NBEA: variants seen among roughly 807,000 people sequenced by gnomAD.
NBEA encodes the protein lysosomal-trafficking regulator 2.
A neutral mutation model predicts 343.4 loss-of-function variants in NBEA; 44 were observed. The ratio of observed to expected loss-of-function variants is 0.13; its 90% CI spans 0.10 to 0.16. NBEA has a LOEUF of 0.16. NBEA is among the 10% of genes least tolerant of loss of function. The pLI is 1.00. For synonymous variants in NBEA, 1,175 were observed against 1,238.7 expected (o/e 0.95, Z 1.08); for missense variants, 2,555 against 3,631.3 (o/e 0.70, Z 7.62).
At position 35,196,077 on chromosome 13, in the gene NBEA, C is replaced by T; in HGVS notation, c.5141C>T (p.Ser1714Leu). 3 of 1,613,606 alleles carry T rather than the reference C, an allele frequency of 1.9e-6. No individual in the cohort carries two copies. The highest frequency in any genetic ancestry group is 2.5e-6 in the Non-Finnish European group (3 of 1,179,726). Residue 1714 changes from serine to leucine, a missense_variant, in exon 31 of 59, where the codon TCA (serine) becomes TTA (leucine). Ser to Leu is a moderately radical substitution (Grantham distance 145, BLOSUM62 -2). This residue lies in a region of NBEA where 270 missense variants were observed against 293.3 expected (regional missense o/e 0.92). Transcript: ENST00000379939. ...ACTTTGTCATCCGAAGTGAAGAAAT[C>T]ACAAGAGAGCTTAACTGAAAATCCT... ...LSTLSSEVKK[S>L]QESLTENPSE... is the part of the protein sequence containing the mutation.
chr13:35,093,850 T>C (rs2079575272), intron 10 of NBEA, among the ~76,000 whole-genome samples: 1 of 151,984 alleles, frequency 6.6e-6, no homozygotes, highest in African/African-American at 2.4e-5. Flanking sequence ...GGTTAATCTG[T>C]GGTACTATTA....
intron 40 of NBEA, among the ~76,000 whole-genome samples, chr13:35,453,163 T>G (rs1190859307): frequency 6.6e-6 from 1 of 152,194 alleles, no homozygotes; most frequent in Non-Finnish European, 1.5e-5. Context: ...AAGTCTCTAG[T>G]GATTTCTTTC....
chr13:35,669,958 A>G (rs1396899789), intron 58 of NBEA, among the ~76,000 whole-genome samples: 2 of 152,124 alleles, frequency 1.3e-5, no homozygotes, highest in African/African-American at 2.4e-5. Flanking sequence ...AGCATATTCA[A>G]AGTTGCAGTA....
At chr13:35,308,488 GTATATATATGTGTA>G (rs1451254875) in intron 35 of NBEA, among the ~76,000 whole-genome samples, 2 of 103,454 alleles carry the variant, frequency 1.9e-5, no homozygotes, top group Non-Finnish European at 3.7e-5. Context: ...ATATATATGT[GTATATATATGTGTA>G]TATATATATG....
chr13:35,248,201 A>G (rs969826228), intron 34 of NBEA, among the ~76,000 whole-genome samples: 1 of 152,250 alleles, frequency 6.6e-6, no homozygotes, highest in African/African-American at 2.4e-5. Flanking sequence ...TAATGCAAAA[A>G]TCTTCAACAA....
chr13:35,295,400 A>T (rs1478198297), intron 35 of NBEA, among the ~76,000 whole-genome samples: 1 of 151,944 alleles, frequency 6.6e-6, no homozygotes, highest in Non-Finnish European at 1.5e-5. Flanking sequence ...TTTTCTCTAG[A>T]CGGTGGGTGA....
intron 1 of NBEA, among the ~76,000 whole-genome samples, chr13:34,977,974 A>C (rs1286100718): frequency 6.6e-6 from 1 of 152,024 alleles, no homozygotes; most frequent in Non-Finnish European, 1.5e-5. Context: ...TAATTGATTA[A>C]AAAAATTTTT....
intron 47 of NBEA, among the ~76,000 whole-genome samples, chr13:35,599,431 G>A (rs2153046942): frequency 6.6e-6 from 1 of 152,334 alleles, no homozygotes; most frequent in African/African-American, 2.4e-5. Context: ...AGCTTGACTG[G>A]GCGGCAGAAT....
intron 34 of NBEA, among the ~76,000 whole-genome samples, chr13:35,237,395 A>G (rs918571713): frequency 6.6e-6 from 1 of 152,100 alleles, no homozygotes; most frequent in African/African-American, 2.4e-5. Flanking sequence ...GTAGAAATGT[A>G]TGTCCTTTTA....
chr13:35,283,976 A>G (rs1189666911), intron 34 of NBEA, among the ~76,000 whole-genome samples: 13 of 96,592 alleles, frequency 1.3e-4, no homozygotes, highest in African/African-American at 3.5e-5. Context: ...ACTCATGCAC[A>G]TGTGTACACA....
intron 18 of NBEA, among the ~76,000 whole-genome samples, chr13:35,149,853 A>G (rs1201736186): frequency 6.6e-6 from 1 of 152,140 alleles, no homozygotes; most frequent in African/African-American, 2.4e-5. Context: ...TAAATAAGAA[A>G]ATTTCATATA....
chr13:35,268,547 T>C (rs1049132945), intron 34 of NBEA, among the ~76,000 whole-genome samples: 2 of 151,964 alleles, frequency 1.3e-5, no homozygotes, highest in African/African-American at 4.8e-5. Context: ...GGAAAAAATA[T>C]ACAAACTTAG....
In NBEA at chr13:35,670,892, CT is replaced by C; in HGVS notation, c.8814-5del. 2 of 1,579,044 alleles carry C rather than the reference CT, an allele frequency of 1.3e-6. No homozygotes were observed. The highest frequency in any genetic ancestry group is 1.7e-6 in the Non-Finnish European group (2 of 1,157,952). ...ATATCACTCTTAACTGCTGTTTCTG[CT>C]TTTCCAGGACTCTGATCACTGGCAT... On this transcript the variant is annotated splice_polypyrimidine_tract_variant and splice_region_variant and intron_variant, in intron 58 of 58. Transcript: ENST00000379939.
At chr13:35,099,064 C>G (rs2065488398) in intron 11 of NBEA, among the ~76,000 whole-genome samples, 3 of 140,942 alleles carry the variant, frequency 2.1e-5, no homozygotes, top group South Asian at 4.5e-4. Context: ...CTCACTCTGT[C>G]TCCCACAGTG....
In NBEA at chr13:35,672,641, C is replaced by T. The variant is rs546516738; in HGVS notation, c.*1650C>T. 6.6e-6 allele frequency: 1 copy of T among 152,664 alleles called. No individual in the cohort carries two copies. The highest frequency in any genetic ancestry group is 2.1e-4 in the South Asian group (1 of 4,812). The allele number at this position is 152,664 out of a possible 1,614,324, so 9.5% of individuals were successfully genotyped here. ...ATTTTGGATATATAAATTCCTTAAG[C>T]TATTGTAACCATGTTTTATTGCAAA... On this transcript the variant is annotated 3_prime_UTR_variant, in exon 59 of 59. Transcript: ENST00000379939.
intron 38 of NBEA, among the ~76,000 whole-genome samples, chr13:35,364,238 A>G (rs1342954526): frequency 1.3e-5 from 2 of 151,832 alleles, no homozygotes; most frequent in Non-Finnish European, 2.9e-5. Flanking sequence ...TTCTCTGCCT[A>G]TACAACCCAT....
At chr13:35,318,014 G>A (rs1236169087) in intron 36 of NBEA, among the ~76,000 whole-genome samples, 1 of 152,146 alleles carries the variant, frequency 6.6e-6, no homozygotes, top group Non-Finnish European at 1.5e-5. Context: ...AGACGATGGA[G>A]TTTTCTAAAT....
intron 6 of NBEA, among the ~76,000 whole-genome samples, chr13:35,054,633 GTTTTC>G (rs1297461351): frequency 7.4e-6 from 1 of 135,814 alleles, no homozygotes; most frequent in Non-Finnish European, 1.6e-5. Context: ...TTCTTTTTCT[GTTTTC>G]TTTTCTTTTT....
intron 38 of NBEA, 50 bp from the exon 39 acceptor site, chr13:35,432,219 A>G: frequency 1.4e-6 from 2 of 1,444,858 alleles, no homozygotes; most frequent in Non-Finnish European, 9.3e-7. Context: ...ATGTATTTCC[A>G]GCTATGCATT....
Sources: allele counts gnomAD v4.1 joint callset (sites outside exome capture counted in the v4.1 genomes callset), GRCh38; gene constraint gnomAD v4.1.1; regional missense constraint gnomAD v4.1.1; transcripts MANE v1.5; gene names NCBI Gene and HGNC (gene_info 2026-07-23, HGNC 2026-07-21).